CRLF2: variants seen among roughly 807,000 people sequenced by gnomAD.
CRLF2 encodes the protein cytokine receptor-like factor 2.
In CRLF2, 41 loss-of-function variants were observed where a neutral mutation model predicts 38.7. That is an observed-to-expected ratio of 1.06 (90% CI 0.83 to 1.37). The LOEUF is 1.37. CRLF2 is among the 40% of genes most tolerant of loss of function. The pLI, the probability that CRLF2 is intolerant of heterozygous loss-of-function variation, is 0.00. For missense variants in CRLF2, 377 were observed against 322.2 expected, an observed-to-expected ratio of 1.17 and a Z score of -1.30; for synonymous variants, 140 against 128.8, an observed-to-expected ratio of 1.09 and a Z score of -0.59.
intron 6 of CRLF2, among the ~76,000 whole-genome samples, chrX:1,196,465 C>T (rs760868612): frequency 6.6e-6 from 1 of 151,900 alleles, no homozygotes; most frequent in East Asian, 2.0e-4. Context: ...GGATTACAGG[C>T]GTGAACCACC....
chrX:1,194,118 C>G (rs1269319666), intron 6 of CRLF2, among the ~76,000 whole-genome samples: 2 of 150,132 alleles, frequency 1.3e-5, no homozygotes, highest in African/African-American at 4.9e-5. Flanking sequence ...GACCGAGACT[C>G]CATCTCAAAA....
chrX:1,192,014 A>G (rs1262783492), intron 7 of CRLF2, among the ~76,000 whole-genome samples: 32,140 of 137,304 alleles, frequency 0.23, 4,462 homozygotes, highest in East Asian at 0.38. Flanking sequence ...GACCATCCCG[A>G]CTAACATGGT....
At chrX:1,207,038 C>A (rs1367004704) in intron 2 of CRLF2, among the ~76,000 whole-genome samples, 1 of 150,478 alleles carries the variant, frequency 6.6e-6, no homozygotes, top group Non-Finnish European at 1.5e-5. Context: ...CTCTGCCTCC[C>A]GGGTTCAAGC....
intron 7 of CRLF2, among the ~76,000 whole-genome samples, chrX:1,192,761 T>C (rs1200781539): frequency 0.03 from 3,105 of 103,862 alleles, 75 homozygotes; most frequent in Non-Finnish European, 0.039. Context: ...TCTTTCTTTC[T>C]TTCTTTCCTT....
Position 1,195,876 on chromosome X carries a change from A to G in CRLF2, c.767+904T>C, listed in dbSNP as rs1367847569. Among the ~76,000 whole-genome samples, 252 of 140,122 alleles carry G rather than the reference A, an allele frequency of 1.8e-3. 1 individual carries two copies. Among genetic ancestry groups the G allele is most frequent in the African/African-American group, 6.2e-3 (238 of 38,568 alleles). The allele number at this position is 140,122 out of a possible 152,430, so 91.9% of individuals were successfully genotyped here. On this transcript the variant is annotated intron_variant, in intron 6 of 7. Transcript: ENST00000400841. ...TTTTTATATAGATTAAATTAAATAT[A>G]TATTTTATATAGATTAAATTAAATA...
Position 1,204,096 on chromosome X carries a change from A to AAAAAAAAAAGAG in CRLF2, c.350-1562_350-1561insCTCTTTTTTTTT, listed in dbSNP as rs370190016. On this transcript the variant is annotated intron_variant, in intron 3 of 7. Coordinates refer to ENST00000400841, the MANE Select transcript of CRLF2 (RefSeq NM_022148.4). ...GAGCAAGACCCTCTCTCTCAAAAAA[A>AAAAAAAAAAGAG]AGAGAGAACATCCAGTGAGTGGGAT... 1.0e-3 allele frequency among the ~76,000 whole-genome samples: 136 copies of AAAAAAAAAAGAG among 133,428 alleles called. 3 individuals are homozygous for AAAAAAAAAAGAG. The highest frequency in any genetic ancestry group is 1.3e-3 in the Admixed American group (17 of 12,702). 87.5% of individuals were successfully genotyped at this position (133,428 alleles called of 152,430 possible).
chrX:1,200,219 G>A (rs764785376), intron 4 of CRLF2, among the ~76,000 whole-genome samples: 73 of 151,124 alleles, frequency 4.8e-4, no homozygotes, highest in African/African-American at 1.3e-3. Context: ...GTGTATATAC[G>A]GTGTGTGTAT....
At chrX:1,206,626 G>T (rs1208514685) in intron 2 of CRLF2, 27 bp from the exon 3 acceptor site, 12 of 1,604,488 alleles carry the variant, frequency 7.5e-6, no homozygotes, top group Non-Finnish European at 9.4e-6. Context: ...TGACCATTCA[G>T]CAACAAAACA....
chrX:1,209,545 A>G (rs1203787101), intron 1 of CRLF2, among the ~76,000 whole-genome samples: 1 of 150,910 alleles, frequency 6.6e-6, no homozygotes, highest in Non-Finnish European at 1.5e-5. Flanking sequence ...GTTAGCCAGG[A>G]TGGTCTCGAT....
intron 4 of CRLF2, 42 bp from the exon 5 acceptor site, chrX:1,198,766 C>G (rs188200953): frequency 1.5e-6 from 2 of 1,373,316 alleles, no homozygotes; most frequent in Non-Finnish European, 2.0e-6. Context: ...CACACACACA[C>G]ACACACACAC....
intron 4 of CRLF2, among the ~76,000 whole-genome samples, chrX:1,201,037 C>T (rs1452693219): frequency 6.6e-6 from 1 of 152,074 alleles, no homozygotes; most frequent in African/African-American, 2.4e-5. Context: ...TAGTAAATTG[C>T]TCTTCAGCTA....
rs773465822 is a variant in CRLF2, at chrX:1,211,800, G to A, written c.79+756C>T. The stretch of plus-strand genomic sequence containing the variant: ...GGATAGATGGATGTATTGGTGGATG[G>A]ATGGGTGGATGGATGGATGGATGGA... On this transcript the variant is annotated intron_variant, in intron 1 of 7. Coordinates refer to ENST00000400841, the MANE Select transcript of CRLF2 (RefSeq NM_022148.4). Among the ~76,000 whole-genome samples, 263 of 79,562 alleles carry A rather than the reference G, an allele frequency of 3.3e-3. 10 individuals are homozygous for A. Among genetic ancestry groups the A allele is most frequent in the East Asian group, 6.1e-3 (19 of 3,110 alleles). 52.2% of individuals were successfully genotyped at this position (79,562 alleles called of 152,430 possible). A position where few individuals can be genotyped will look rare whatever the true frequency, so the allele number is the denominator to read the frequency against.
At chrX:1,191,281 C>T in intron 7 of CRLF2, 121 bp from the exon 8 acceptor site, 1 of 395,856 alleles carries the variant, frequency 2.5e-6, no homozygotes, top group Non-Finnish European at 4.4e-6. Context: ...CTTTCTCTCT[C>T]TTTCTTTTCT....
intron 5 of CRLF2, among the ~76,000 whole-genome samples, chrX:1,198,163 G>C (rs2086526561): frequency 7.2e-6 from 1 of 138,108 alleles, no homozygotes; most frequent in Admixed American, 7.2e-5. Context: ...CTCGAAGGCA[G>C]GACACCCTCC....
intron 6 of CRLF2, among the ~76,000 whole-genome samples, chrX:1,194,830 G>A (rs1334624510): frequency 1.7e-4 from 26 of 152,038 alleles, no homozygotes; most frequent in Non-Finnish European, 2.9e-4. Context: ...TCAGGAGTTC[G>A]AGACCAGCCT....
chrX:1,191,761 C>T (rs1222415361), intron 7 of CRLF2, among the ~76,000 whole-genome samples: 1 of 151,594 alleles, frequency 6.6e-6, no homozygotes, highest in East Asian at 2.0e-4. Flanking sequence ...GAACTCCCGA[C>T]CTCAGGTGAT....
intron 7 of CRLF2, among the ~76,000 whole-genome samples, chrX:1,192,714 TTCTTTC>T (rs2086410338): frequency 9.9e-5 from 4 of 40,416 alleles, no homozygotes; most frequent in Admixed American, 7.2e-4. Flanking sequence ...TTTCTTTTCT[TTCTTTC>T]TTTCTTTCTT....
intron 1 of CRLF2, 109 bp downstream of exon 1, chrX:1,212,434 AAAAAGAAAAGAAG>A: frequency 3.2e-6 from 2 of 625,288 alleles, no homozygotes; most frequent in Non-Finnish European, 2.7e-6. Context: ...AAAAAAAAAA[AAAAAGAAAAGAAG>A]AAAGAAACCT....
In CRLF2 at chrX:1,191,361, C is replaced by CTTT. The variant is rs1230620683; in HGVS notation, c.853-202_853-201insAAA. ...TCTTTCTTTCCTTCTTTCTTTCTTT[C>CTTT]CTTTCTTTCTCTTTCTTTCTTTCTC... On this transcript the variant is annotated intron_variant, in intron 7 of 7. Transcript: ENST00000400841. 1.6e-3 allele frequency among the ~76,000 whole-genome samples: 118 copies of CTTT among 73,160 alleles called. 5 individuals are homozygous for CTTT. The highest frequency in any genetic ancestry group is 2.0e-3 in the South Asian group (4 of 2,044). The allele number at this position is 73,160 out of a possible 152,430, so 48.0% of individuals were successfully genotyped here.
Sources: gnomAD v4.1 joint callset for allele counts (sites outside exome capture counted in the v4.1 genomes callset) on GRCh38, gnomAD v4.1.1 for gene constraint, MANE v1.5 for transcripts, NCBI Gene and HGNC (gene_info 2026-07-23, HGNC 2026-07-21) for gene names.